SLC35F5: variants seen among roughly 807,000 people sequenced by gnomAD.
SLC35F5 encodes HCV NS5A-transactivated protein 3.
A neutral mutation model predicts 68.6 loss-of-function variants in SLC35F5; 54 were observed. The ratio of observed to expected loss-of-function variants is 0.79; its 90% CI spans 0.63 to 0.99. The LOEUF (loss-of-function observed/expected upper bound fraction) is 0.99, where lower values mean the gene tolerates loss of function less well. SLC35F5 is among the 50% of genes least tolerant of loss of function. The pLI is 0.00. For synonymous variants in SLC35F5, 211 were observed against 205.2 expected (o/e 1.03, Z -0.24); for missense variants, 567 against 626.9 (o/e 0.90, Z 1.02).
chr2:113,726,187 T>C (rs1266895287), intron 11 of SLC35F5, among the ~76,000 whole-genome samples: 2 of 152,192 alleles, frequency 1.3e-5, no homozygotes, highest in East Asian at 3.8e-4. Context: ...GCAAGCCTTA[T>C]ACCTCTTTAA....
At position 113,742,772 on chromosome 2, in the gene SLC35F5, C is replaced by T. The variant is rs150656361; in HGVS notation, c.670G>A (p.Glu224Lys). 4.9e-3 allele frequency: 7,876 copies of T among 1,614,046 alleles called. 25 individuals carry two copies. Among genetic ancestry groups the T allele is most frequent in the Non-Finnish European group, 6.1e-3 (7,180 of 1,179,980 alleles). Residue 224 changes from glutamate (E) to lysine (K), a missense_variant, in exon 7 of 16, where the codon GAA (glutamate) becomes AAA (lysine). Physicochemically the swap from Glu to Lys is moderately conservative, Grantham distance 56. Coordinates refer to ENST00000245680, the MANE Select transcript of SLC35F5 (RefSeq NM_025181.5). ...KLSRMSYPVK[E>K]QESILKTVGK... ...ACAGTTTTCAGTATGGATTCTTGTT[C>T]TTTCACAGGATATGACATGCGAGAC...
chr2:113,756,109 T>A, intron 1 of SLC35F5: 1 of 1,446,112 alleles, frequency 6.9e-7, no homozygotes. Context: ...TCCTTCTGTT[T>A]TGGAGCGGGG....
intron 14 of SLC35F5, among the ~76,000 whole-genome samples, chr2:113,718,412 A>T (rs1218928852): frequency 2.6e-5 from 4 of 152,230 alleles, no homozygotes; most frequent in African/African-American, 9.6e-5. Flanking sequence ...AAAAAGAAAG[A>T]AATTGGAAAG....
At chr2:113,717,505 C>T (rs1408364872) in intron 15 of SLC35F5, 1 of 284,902 alleles carries the variant, frequency 3.5e-6, no homozygotes, top group African/African-American at 2.2e-5. Context: ...TATTTTAACA[C>T]CCTCATAAGG....
At chr2:113,740,884 C>T (rs1676246449) in intron 7 of SLC35F5, among the ~76,000 whole-genome samples, 2 of 152,194 alleles carry the variant, frequency 1.3e-5, no homozygotes, top group South Asian at 4.1e-4. Flanking sequence ...CTCAGCCTCC[C>T]AAAGTGCTGG....
chr2:113,732,515 C>G (rs966471913), intron 9 of SLC35F5, among the ~76,000 whole-genome samples: 2 of 152,076 alleles, frequency 1.3e-5, no homozygotes, highest in Non-Finnish European at 2.9e-5. Flanking sequence ...TATGTATTCC[C>G]TTATGGAAAG....
chr2:113,740,226 G>A (rs993203309), intron 7 of SLC35F5, among the ~76,000 whole-genome samples: 23 of 152,156 alleles, frequency 1.5e-4, no homozygotes, highest in Admixed American at 1.3e-4. Context: ...GCTGTGGAAC[G>A]TGATGATTGT....
rs867595280 is a variant in SLC35F5, at chr2:113,755,493, C to T, written c.92G>A (p.Gly31Asp). ...PFRLRSAKFS[G>D]IALEDLRRAL... ...CCTTCTGAGATCCTCAAGAGCAATG[C>T]CGGAAAACTTGGCAGATCTCAGTCT... is the stretch of plus-strand genomic sequence containing the variant. Residue 31 changes from glycine to aspartate, a missense_variant, in exon 2 of 16, where the codon GGC becomes GAC. Gly to Asp is a moderately conservative substitution (Grantham distance 94, BLOSUM62 -1). Coordinates refer to ENST00000245680, the MANE Select transcript of SLC35F5 (RefSeq NM_025181.5). The T allele has an allele frequency of 6.2e-7, 1 of 1,613,982 alleles. No individual in the cohort carries two copies. The highest frequency in any genetic ancestry group is 8.5e-7 in the Non-Finnish European group (1 of 1,179,980).
At chr2:113,720,303 CT>C in intron 13 of SLC35F5, among the ~76,000 whole-genome samples, 1 of 141,656 alleles carries the variant, frequency 7.1e-6, no homozygotes, top group Admixed American at 7.1e-5. Context: ...GAAAGGAAAA[CT>C]GTGTTTGCCC....
At chr2:113,755,666 T>A in intron 1 of SLC35F5, 122 bp from the exon 2 acceptor site, 1 of 1,081,510 alleles carries the variant, frequency 9.2e-7, no homozygotes, top group Non-Finnish European at 1.4e-6. Context: ...CCAAAATGTG[T>A]TAAACATACT....
At chr2:113,732,777 T>C (rs533004475) in intron 9 of SLC35F5, among the ~76,000 whole-genome samples, 2 of 152,338 alleles carry the variant, frequency 1.3e-5, no homozygotes, top group East Asian at 3.9e-4. Flanking sequence ...TCTACTCATT[T>C]AATCCTCATA....
intron 10 of SLC35F5, among the ~76,000 whole-genome samples, chr2:113,730,669 A>G (rs1338581318): frequency 6.6e-6 from 1 of 152,214 alleles, no homozygotes; most frequent in African/African-American, 2.4e-5. Context: ...CCTGGCCTCA[A>G]GCGATCCTCC....
chr2:113,703,161 TTTCTC>T (rs1686729819), downstream of SLC35F5, among the ~76,000 whole-genome samples: 4 of 150,842 alleles, frequency 2.7e-5, no homozygotes, highest in African/African-American at 9.9e-5. Flanking sequence ...AATGAATCTC[TTTCTC>T]TCTCTCTCTC....
At chr2:113,749,025 G>C (rs1047166184) in intron 4 of SLC35F5, among the ~76,000 whole-genome samples, 10 of 152,078 alleles carry the variant, frequency 6.6e-5, no homozygotes, top group Non-Finnish European at 1.2e-4. Context: ...GGATGGTCTC[G>C]ATCTCCTGAC....
At position 113,718,865 on chromosome 2, in the gene SLC35F5, AAAAGAAAGAAAGAAAG is replaced by A. The variant is rs765844454; in HGVS notation, c.1496+273_1496+288del. On this transcript the variant is annotated intron_variant, in intron 14 of 15. Transcript: ENST00000245680. ...AAGGAAAGAAAAAGAGAGAGAAAGA[AAAAGAAAGAAAGAAAG>A]AAAGAAAGAAAGAAAGAAAGAAAGA... is the stretch of plus-strand genomic sequence containing the variant. Among the ~76,000 whole-genome samples the A allele has an allele frequency of 4.6e-3, 566 of 123,506 alleles. 8 individuals are homozygous for A. Among genetic ancestry groups the A allele is most frequent in the East Asian group, 0.029 (125 of 4,344 alleles). The allele number at this position is 123,506 out of a possible 152,430, so 81.0% of individuals were successfully genotyped here.
At chr2:113,734,377 G>C (rs997925457) in intron 9 of SLC35F5, among the ~76,000 whole-genome samples, 1 of 152,188 alleles carries the variant, frequency 6.6e-6, no homozygotes, top group Non-Finnish European at 1.5e-5. Flanking sequence ...AAGCAGCCTT[G>C]GGGTTTTCCC....
At chr2:113,754,303 A>G (rs1329501658) in intron 3 of SLC35F5, among the ~76,000 whole-genome samples, 2 of 141,856 alleles carry the variant, frequency 1.4e-5, no homozygotes, top group Non-Finnish European at 3.2e-5. Context: ...TCAAAAAAAA[A>G]AGAAAAAAAA....
intron 7 of SLC35F5, 109 bp from the exon 8 acceptor site, chr2:113,735,967 G>T: frequency 1.5e-6 from 1 of 649,952 alleles, no homozygotes; most frequent in Non-Finnish European, 2.6e-6. Flanking sequence ...GTTCTCACAA[G>T]ATGTTTTAAA....
At chr2:113,743,989 GT>G (rs1363778063) in intron 5 of SLC35F5, 195 bp from the exon 6 acceptor site, 1 of 404,052 alleles carries the variant, frequency 2.5e-6, no homozygotes, top group East Asian at 3.6e-5. Context: ...AAAAGAATCA[GT>G]TTACAGTTTA....
Sources: gnomAD v4.1 joint callset for allele counts (sites outside exome capture counted in the v4.1 genomes callset) on GRCh38, gnomAD v4.1.1 for gene constraint, MANE v1.5 for transcripts, NCBI Gene and HGNC (gene_info 2026-07-23, HGNC 2026-07-21) for gene names.